TMEM50A: variants seen among roughly 807,000 people sequenced by gnomAD.
The protein encoded by TMEM50A is transmembrane protein 50A.
Under a neutral mutation model 23.9 loss-of-function variants are expected in TMEM50A, and 8 were observed. The ratio of observed to expected loss-of-function variants is 0.33; its 90% CI spans 0.20 to 0.60. TMEM50A has a LOEUF of 0.60. Among genes scored for constraint, TMEM50A ranks in the 20% least tolerant of loss-of-function variants. TMEM50A has a pLI of 0.81. For synonymous variants in TMEM50A, 55 were observed against 60.4 expected (o/e 0.91, Z 0.41); for missense variants, 178 against 192.7 (o/e 0.92, Z 0.45).
At chr1:25,339,158 GTATCT>G (rs915647660) in intron 1 of TMEM50A, among the ~76,000 whole-genome samples, 1 of 152,200 alleles carries the variant, frequency 6.6e-6, no homozygotes, top group African/African-American at 2.4e-5. Context: ...TGGCTACAAA[GTATCT>G]TAAGGAAGTC....
intron 5 of TMEM50A, among the ~76,000 whole-genome samples, chr1:25,354,494 C>G (rs188385219): frequency 1.3e-5 from 2 of 151,976 alleles, no homozygotes; most frequent in African/African-American, 4.8e-5. Flanking sequence ...CATGTGTGGT[C>G]CCAGCTACTC....
At chr1:25,343,214 G>T (rs755456273) in intron 3 of TMEM50A, 141 bp downstream of exon 3, 1 of 605,742 alleles carries the variant, frequency 1.7e-6, no homozygotes, top group Non-Finnish European at 2.8e-6. Context: ...CAGTAGAGAT[G>T]GACTTATACA....
intron 5 of TMEM50A, 142 bp downstream of exon 5, chr1:25,353,116 C>T (rs1645290279): frequency 1.6e-6 from 1 of 631,500 alleles, no homozygotes. Context: ...CCCCACCCTC[C>T]ACCGACAGTG....
chr1:25,347,745 G>A (rs1302893702), intron 3 of TMEM50A, among the ~76,000 whole-genome samples: 3 of 152,198 alleles, frequency 2.0e-5, no homozygotes, highest in Non-Finnish European at 4.4e-5. Flanking sequence ...TTATTCATTC[G>A]CAGAAGTAAA....
chr1:25,360,554 A>G, intron 6 of TMEM50A, 106 bp from the exon 7 acceptor site: 2 of 1,268,016 alleles, frequency 1.6e-6, no homozygotes, highest in East Asian at 4.7e-5. Flanking sequence ...TTTCTTCTAC[A>G]ACTCATCAAT....
intron 6 of TMEM50A, among the ~76,000 whole-genome samples, chr1:25,359,726 C>G (rs1357022998): frequency 1.3e-5 from 2 of 152,038 alleles, no homozygotes; most frequent in East Asian, 3.9e-4. Context: ...CCTCTTTCCC[C>G]TTTGATGTAC....
chr1:25,353,002 CTT>C, intron 5 of TMEM50A, 28 bp downstream of exon 5: 1 of 1,578,910 alleles, frequency 6.3e-7, no homozygotes, highest in South Asian at 1.2e-5. Flanking sequence ...TTACAATTTA[CTT>C]CAGTGGAATA....
intron 2 of TMEM50A, among the ~76,000 whole-genome samples, chr1:25,341,612 C>T (rs1204963257): frequency 6.6e-6 from 1 of 152,170 alleles, no homozygotes; most frequent in Non-Finnish European, 1.5e-5. Context: ...CTCCCGACCT[C>T]AGATGATCTG....
chr1:25,344,173 C>T (rs1355052093), intron 3 of TMEM50A, among the ~76,000 whole-genome samples: 1 of 152,050 alleles, frequency 6.6e-6, no homozygotes, highest in African/African-American at 2.4e-5. Flanking sequence ...GAAGTCAAGT[C>T]GATGTTACAG....
At chr1:25,343,173 T>A in intron 3 of TMEM50A, 100 bp downstream of exon 3, 6 of 863,868 alleles carry the variant, frequency 6.9e-6, no homozygotes, top group Non-Finnish European at 1.1e-5. Context: ...TATTATCAGA[T>A]TAACACACTG....
chr1:25,357,048 A>G (rs1645340566), intron 6 of TMEM50A, among the ~76,000 whole-genome samples, 195 bp downstream of exon 6: 1 of 152,172 alleles, frequency 6.6e-6, no homozygotes, highest in Non-Finnish European at 1.5e-5. Context: ...TTAGGAGCAT[A>G]TATTAATTTT....
chr1:25,349,571 G>A (rs1298088229), intron 3 of TMEM50A, among the ~76,000 whole-genome samples: 1 of 152,006 alleles, frequency 6.6e-6, no homozygotes, highest in Non-Finnish European at 1.5e-5. Context: ...AGATTTGTAT[G>A]AATAAATTAA....
intron 2 of TMEM50A, among the ~76,000 whole-genome samples, chr1:25,341,343 C>G (rs747273666): frequency 6.6e-6 from 1 of 151,962 alleles, no homozygotes; most frequent in Non-Finnish European, 1.5e-5. Context: ...CTGCAAGCTC[C>G]GCTTCCCGGG....
At chr1:25,352,363 C>T (rs1050447326) in intron 4 of TMEM50A, among the ~76,000 whole-genome samples, 1 of 151,692 alleles carries the variant, frequency 6.6e-6, no homozygotes, top group East Asian at 1.9e-4. Flanking sequence ...GGCGTGGTGG[C>T]GGGTGCCTGT....
In TMEM50A at chr1:25,361,125, T is replaced by G. The variant is rs1645397494; in HGVS notation, c.*420T>G. 1 of 158,038 alleles carries G rather than the reference T, an allele frequency of 6.3e-6. No homozygotes were observed. The highest frequency in any genetic ancestry group is 6.2e-5 in the Admixed American group (1 of 16,110). 9.8% of individuals were successfully genotyped at this position (158,038 alleles called of 1,614,324 possible). On this transcript the variant is annotated 3_prime_UTR_variant, in exon 7 of 7. Coordinates refer to ENST00000374358, the MANE Select transcript of TMEM50A (RefSeq NM_014313.4). ...CAAATGTTAAATGAAATATAAACAT[T>G]TTTTAGTTTTTAAAATATTCCGTGG... is the stretch of plus-strand genomic sequence containing the variant.
chr1:25,340,032 G>A (rs942890929), intron 1 of TMEM50A, among the ~76,000 whole-genome samples: 4 of 152,116 alleles, frequency 2.6e-5, no homozygotes, highest in African/African-American at 7.2e-5. Context: ...CGACTCCCAG[G>A]TTCAAGCGAT....
chr1:25,352,223 C>T (rs561276515), intron 4 of TMEM50A, among the ~76,000 whole-genome samples: 1 of 152,242 alleles, frequency 6.6e-6, no homozygotes, highest in South Asian at 2.1e-4. Flanking sequence ...CGGCCGGGCA[C>T]AGTGGCTCAC....
chr1:25,341,254 T>G (rs1227983017), intron 2 of TMEM50A, among the ~76,000 whole-genome samples: 4 of 151,822 alleles, frequency 2.6e-5, no homozygotes, highest in African/African-American at 9.7e-5. Context: ...TGTTGTTGTT[T>G]TTGTTTTTTT....
At chr1:25,356,079 T>C (rs566882030) in intron 5 of TMEM50A, among the ~76,000 whole-genome samples, 161 of 152,318 alleles carry the variant, frequency 1.1e-3, no homozygotes, top group Non-Finnish European at 2.0e-3. Context: ...TGGAAGAGCC[T>C]CCTAACTGGT....
Sources: allele counts gnomAD v4.1 joint callset (sites outside exome capture counted in the v4.1 genomes callset), GRCh38; gene constraint gnomAD v4.1.1; transcripts MANE v1.5; gene names NCBI Gene and HGNC (gene_info 2026-07-23, HGNC 2026-07-21).